Variants in PLPPR1 observed in about 807,000 individuals in gnomAD.
PLPPR1 encodes the protein phospholipid phosphatase related 1.
Under a neutral mutation model 33.1 loss-of-function variants are expected in PLPPR1, and 10 were observed. That is an observed-to-expected ratio of 0.30 (90% CI 0.19 to 0.51). PLPPR1 has a LOEUF of 0.51. Among genes scored for constraint, PLPPR1 ranks in the 20% least tolerant of loss-of-function variants. PLPPR1 has a pLI of 0.97. For synonymous variants in PLPPR1, 151 were observed against 151.0 expected (o/e 1.00, Z 0.00); for missense variants, 304 against 408.1 (o/e 0.74, Z 2.20).
intron 2 of PLPPR1, among the ~76,000 whole-genome samples, chr9:101,214,863 A>T (rs1030289642): frequency 3.3e-5 from 5 of 152,016 alleles, no homozygotes; most frequent in Admixed American, 2.0e-4. Context: ...TCTCTACTAA[A>T]AATACAAAAC....
intron 1 of PLPPR1, among the ~76,000 whole-genome samples, chr9:101,153,404 C>G (rs1320202854): frequency 6.6e-6 from 1 of 152,234 alleles, no homozygotes; most frequent in South Asian, 2.1e-4. Flanking sequence ...TGCCTGATTG[C>G]CCTGGCCAGA....
chr9:101,149,630 T>G (rs1374835440), intron 1 of PLPPR1, among the ~76,000 whole-genome samples: 1 of 152,172 alleles, frequency 6.6e-6, no homozygotes, highest in African/African-American at 2.4e-5. Flanking sequence ...TATTCTACAG[T>G]CTATTCTAAT....
rs555771110 is a variant in PLPPR1 at position 101,066,208 on chromosome 9, A to G, written c.-46+37106A>G. Among the ~76,000 whole-genome samples the G allele has an allele frequency of 6.8e-4, 104 of 152,114 alleles. No individual in the cohort carries two copies. The South Asian group carries it at 0.013, about 19-fold the overall frequency. ...ATTTGGGTTTGTCTGATATTTTCTC[A>G]TGAGTAACAGGACTTATGGATTTGG... On this transcript the variant is annotated intron_variant, in intron 1 of 7. Coordinates refer to ENST00000374874, the MANE Select transcript of PLPPR1 (RefSeq NM_207299.2).
chr9:101,119,548 C>T (rs1831153520), intron 1 of PLPPR1, among the ~76,000 whole-genome samples: 1 of 152,222 alleles, frequency 6.6e-6, no homozygotes, highest in African/African-American at 2.4e-5. Context: ...CCAATAGATT[C>T]TTCGGAGAAA....
intron 1 of PLPPR1, among the ~76,000 whole-genome samples, chr9:101,083,749 C>T (rs772807634): frequency 2.6e-5 from 4 of 152,226 alleles, no homozygotes; most frequent in African/African-American, 4.8e-5. Flanking sequence ...GCATTGAATA[C>T]GAAGATTTAT....
intron 4 of PLPPR1, among the ~76,000 whole-genome samples, chr9:101,287,548 T>A (rs957483474): frequency 2.6e-5 from 4 of 152,244 alleles, no homozygotes; most frequent in African/African-American, 7.2e-5. Flanking sequence ...CTCCCCAGGC[T>A]GGAGTGCAGT....
Position 101,269,914 on chromosome 9 carries a change from A to G in PLPPR1, c.98A>G (p.Tyr33Cys). The G allele has an allele frequency of 6.2e-7, 1 of 1,614,144 alleles. No individual in the cohort carries two copies. The change falls in exon 3 of 8, where the codon TAC becomes TGC. Residue 33 changes from tyrosine to cysteine, a missense_variant. By Grantham distance (194) the Tyr-to-Cys change is radical. Coordinates refer to ENST00000374874, the MANE Select transcript of PLPPR1 (RefSeq NM_207299.2). ...VIMAGTVLLA[Y>C]YFECTDTFQV... ...ATGGCTGGGACAGTGCTGCTTGCCT[A>G]CTACTTCGAATGCACTGACACTTTT... is the stretch of plus-strand genomic sequence containing the variant.
intron 1 of PLPPR1, among the ~76,000 whole-genome samples, chr9:101,166,369 C>G (rs1825858618): frequency 6.6e-6 from 1 of 152,174 alleles, no homozygotes; most frequent in Non-Finnish European, 1.5e-5. Flanking sequence ...TCGTTTTTAT[C>G]CCACTTGTAA....
chr9:101,249,305 C>T (rs1372640755), intron 2 of PLPPR1, among the ~76,000 whole-genome samples: 1 of 152,050 alleles, frequency 6.6e-6, no homozygotes, highest in Non-Finnish European at 1.5e-5. Flanking sequence ...TTTAAGTGAG[C>T]TTAGAAATCA....
chr9:101,069,144 A>AC (rs1365890346), intron 1 of PLPPR1, among the ~76,000 whole-genome samples: 1 of 151,424 alleles, frequency 6.6e-6, no homozygotes, highest in Non-Finnish European at 1.5e-5. Flanking sequence ...TTTAGGAAAA[A>AC]AAAAAGCTGT....
At chr9:101,241,986 G>T (rs1416785161) in intron 2 of PLPPR1, among the ~76,000 whole-genome samples, 1 of 152,016 alleles carries the variant, frequency 6.6e-6, no homozygotes, top group Non-Finnish European at 1.5e-5. Flanking sequence ...AAAGAATCTG[G>T]CTGATTGGCT....
chr9:101,313,145 T>G (rs2275683), intron 6 of PLPPR1, among the ~76,000 whole-genome samples, 171 bp downstream of exon 6: 4 of 151,962 alleles, frequency 2.6e-5, no homozygotes, highest in Admixed American at 1.3e-4. Context: ...TTCAAAACAC[T>G]CTTTCCTTTC....
chr9:101,269,238 A>G (rs1182730662), intron 2 of PLPPR1, among the ~76,000 whole-genome samples: 1 of 152,040 alleles, frequency 6.6e-6, no homozygotes, highest in Non-Finnish European at 1.5e-5. Context: ...CTATATTTCT[A>G]TAATAAGATA....
intron 1 of PLPPR1, among the ~76,000 whole-genome samples, chr9:101,101,955 A>C (rs1830906314): frequency 6.6e-6 from 1 of 152,096 alleles, no homozygotes; most frequent in Admixed American, 6.5e-5. Context: ...TCTCCCAAAA[A>C]AGAATTCTGC....
chr9:101,071,068 T>C (rs1316942420), intron 1 of PLPPR1, among the ~76,000 whole-genome samples: 1 of 152,080 alleles, frequency 6.6e-6, no homozygotes, highest in Non-Finnish European at 1.5e-5. Flanking sequence ...GCTGTGTGTA[T>C]CTAGTGGACC....
At chr9:101,295,045 A>G (rs1183169487) in intron 4 of PLPPR1, among the ~76,000 whole-genome samples, 1 of 152,122 alleles carries the variant, frequency 6.6e-6, no homozygotes, top group African/African-American at 2.4e-5. Flanking sequence ...TGTATATCTC[A>G]AAAACCCCAT....
In PLPPR1 at chr9:101,087,134, C is replaced by T. The variant is rs369360166; in HGVS notation, c.-46+58032C>T. Among the ~76,000 whole-genome samples the T allele has an allele frequency of 1.8e-4, 27 of 151,122 alleles. No homozygotes were observed. The East Asian group carries it at 2.9e-3, about 16-fold the overall frequency. Reference sequence around the variant, plus strand: ...TAGAGGTTGCAGTGAGCCAAGACTGCGCCACTGTACTCCAGCCTGGGTGAC... The same window carrying T: ...TAGAGGTTGCAGTGAGCCAAGACTGTGCCACTGTACTCCAGCCTGGGTGAC... On this transcript the variant is annotated intron_variant, in intron 1 of 7. Transcript: ENST00000374874.
intron 2 of PLPPR1, among the ~76,000 whole-genome samples, chr9:101,188,964 T>C (rs1826249903): frequency 6.6e-6 from 1 of 152,118 alleles, no homozygotes; most frequent in African/African-American, 2.4e-5. Flanking sequence ...ATTCCTCTCC[T>C]ACTGTAATTT....
intron 1 of PLPPR1, among the ~76,000 whole-genome samples, chr9:101,099,695 C>G (rs540766431): frequency 2.0e-5 from 3 of 152,152 alleles, no homozygotes; most frequent in East Asian, 3.9e-4. Flanking sequence ...AATGACCATG[C>G]GTATGTTATA....
Sources: gnomAD v4.1 joint callset for allele counts (sites outside exome capture counted in the v4.1 genomes callset) on GRCh38, gnomAD v4.1.1 for gene constraint, MANE v1.5 for transcripts, NCBI Gene and HGNC (gene_info 2026-07-23, HGNC 2026-07-21) for gene names.